Variants in PROM1 observed in about 807,000 individuals in gnomAD.
The protein encoded by PROM1 is prominin-1.
PROM1 carries 105 observed loss-of-function variants against 116.9 expected under a neutral mutation model. The observed-to-expected ratio is 0.90, with a 90% CI of 0.77 to 1.06. The LOEUF (loss-of-function observed/expected upper bound fraction) is 1.06. Among genes scored for constraint, PROM1 ranks in the 50% least tolerant of loss-of-function variants. The pLI, the probability that PROM1 is intolerant of heterozygous loss-of-function variation, is 0.00. For synonymous variants in PROM1, 393 were observed against 387.0 expected (o/e 1.02, Z -0.18); for missense variants, 1,122 against 1,045.2 (o/e 1.07, Z -1.01).
chr4:16,001,184 T>C (rs185329296), intron 13 of PROM1, among the ~76,000 whole-genome samples: 559 of 151,962 alleles, frequency 3.7e-3, no homozygotes, highest in Middle Eastern at 0.01. Flanking sequence ...AGGCATAATA[T>C]AGGAGGCAGC....
intron 23 of PROM1, among the ~76,000 whole-genome samples, chr4:15,983,387 CAA>C (rs66493926): frequency 0.32 from 49,330 of 151,866 alleles, 8,630 homozygotes; most frequent in Non-Finnish European, 0.4. Flanking sequence ...AGGAATTTTT[CAA>C]AGTCACAGAG....
chr4:16,021,810 T>C (rs935816039), intron 8 of PROM1, among the ~76,000 whole-genome samples: 1 of 152,180 alleles, frequency 6.6e-6, no homozygotes, highest in Non-Finnish European at 1.5e-5. Flanking sequence ...GAACGGGGTC[T>C]GAATCCCAAC....
intron 26 of PROM1, among the ~76,000 whole-genome samples, chr4:15,974,873 C>A (rs538029612): frequency 6.6e-6 from 1 of 152,140 alleles, no homozygotes; most frequent in Non-Finnish European, 1.5e-5. Flanking sequence ...AAACTGTTGG[C>A]GATAAACACT....
intron 8 of PROM1, among the ~76,000 whole-genome samples, chr4:16,022,992 C>G (rs537943438): frequency 2.6e-5 from 4 of 152,124 alleles, no homozygotes; most frequent in Non-Finnish European, 5.9e-5. Context: ...TCCAACGACT[C>G]AACTCTGCCA....
chr4:16,020,980 A>G (rs1729708463), intron 8 of PROM1, among the ~76,000 whole-genome samples: 1 of 151,972 alleles, frequency 6.6e-6, no homozygotes, highest in African/African-American at 2.4e-5. Context: ...AGCCCATAGT[A>G]TATTTCCTTT....
intron 1 of PROM1, among the ~76,000 whole-genome samples, chr4:16,077,805 T>C (rs919889415): frequency 1.3e-5 from 2 of 152,174 alleles, no homozygotes; most frequent in Non-Finnish European, 2.9e-5. Flanking sequence ...TCCAAGTGTG[T>C]GTTGTTCTCT....
chr4:15,980,625 TTTTTTGGAA>T, intron 23 of PROM1, 88 bp from the exon 24 acceptor site: 2 of 591,534 alleles, frequency 3.4e-6, no homozygotes, highest in Non-Finnish European at 5.6e-6. Flanking sequence ...TTTTTTTTTT[TTTTTTGGAA>T]TTTTTAAAAA....
At chr4:15,998,841 G>A (rs750570999) in intron 14 of PROM1, among the ~76,000 whole-genome samples, 9 of 151,840 alleles carry the variant, frequency 5.9e-5, no homozygotes, top group African/African-American at 9.7e-5. Flanking sequence ...TCAGCCTCCC[G>A]AGTAGTTAGG....
chr4:15,991,129 T>C (rs964060773), intron 18 of PROM1, 93 bp downstream of exon 18: 1 of 988,452 alleles, frequency 1.0e-6, no homozygotes, highest in Non-Finnish European at 1.5e-6. Context: ...TTACTCACAG[T>C]GTGAGGAACC....
At chr4:15,973,742 C>T (rs930058529) in intron 26 of PROM1, among the ~76,000 whole-genome samples, 1 of 152,056 alleles carries the variant, frequency 6.6e-6, no homozygotes, top group Admixed American at 6.5e-5. Flanking sequence ...TCTTTCCACC[C>T]GTTTTGGGAA....
chr4:16,017,131 T>A (rs1728591539), intron 9 of PROM1, among the ~76,000 whole-genome samples: 1 of 152,176 alleles, frequency 6.6e-6, no homozygotes, highest in Non-Finnish European at 1.5e-5. Flanking sequence ...CTACAACTTA[T>A]CCCCAACTTA....
chr4:16,024,603 GA>G (rs1381371245), intron 6 of PROM1, among the ~76,000 whole-genome samples: 1 of 152,082 alleles, frequency 6.6e-6, no homozygotes, highest in African/African-American at 2.4e-5. Context: ...CATACTTCTG[GA>G]ATACAGAAGA....
At chr4:15,972,877 A>G (rs1337924908) in intron 26 of PROM1, among the ~76,000 whole-genome samples, 1 of 152,222 alleles carries the variant, frequency 6.6e-6, no homozygotes, top group Non-Finnish European at 1.5e-5. Flanking sequence ...TTCAATCAAC[A>G]CAACACAACA....
chr4:15,994,602 G>T (rs1438402146), intron 15 of PROM1, among the ~76,000 whole-genome samples: 1 of 152,158 alleles, frequency 6.6e-6, no homozygotes, highest in Non-Finnish European at 1.5e-5. Flanking sequence ...GCACAGTTTG[G>T]CTGTAACCTA....
intron 15 of PROM1, among the ~76,000 whole-genome samples, chr4:15,996,267 TG>T (rs1171686045): frequency 6.6e-6 from 1 of 152,146 alleles, no homozygotes; most frequent in Non-Finnish European, 1.5e-5. Flanking sequence ...CCCAACACTT[TG>T]GGAGGCCAAG....
chr4:16,047,654 G>A (rs1285759086), intron 2 of PROM1, among the ~76,000 whole-genome samples: 2 of 152,158 alleles, frequency 1.3e-5, no homozygotes, highest in Admixed American at 6.5e-5. Flanking sequence ...ACTAGATTAA[G>A]GTTTGTTTAC....
chr4:16,063,849 T>C (rs1740902736), intron 2 of PROM1, among the ~76,000 whole-genome samples: 1 of 152,160 alleles, frequency 6.6e-6, no homozygotes, highest in Admixed American at 6.5e-5. Context: ...ACAGAACAAC[T>C]GGGATTTGCT....
At chr4:16,008,835 G>A in intron 12 of PROM1, 114 bp downstream of exon 12, 1 of 1,013,414 alleles carries the variant, frequency 9.9e-7, no homozygotes, top group Non-Finnish European at 1.4e-6. Context: ...ATCAGGTCAT[G>A]GCCTCCTTGT....
chr4:16,043,669 C>T (rs1377662360), intron 2 of PROM1, among the ~76,000 whole-genome samples: 4 of 152,220 alleles, frequency 2.6e-5, no homozygotes, highest in Non-Finnish European at 4.4e-5. Flanking sequence ...ACTGCACATG[C>T]TGAGAAGGTG....
Sources: allele counts gnomAD v4.1 joint callset (sites outside exome capture counted in the v4.1 genomes callset), GRCh38; gene constraint gnomAD v4.1.1; transcripts MANE v1.5; gene names NCBI Gene and HGNC (gene_info 2026-07-23, HGNC 2026-07-21).